Variants in LATS2 observed in about 807,000 individuals in gnomAD.
LATS2 encodes the protein large tumor suppressor kinase 2.
LATS2 carries 24 observed loss-of-function variants against 76.0 expected under a neutral mutation model. That is an observed-to-expected ratio of 0.32 (90% confidence interval 0.23 to 0.44). The LOEUF is 0.44. LATS2 is among the 20% of genes least tolerant of loss of function. The pLI is 1.00. For missense variants in LATS2, 1,286 were observed against 1,481.2 expected (o/e 0.87, Z 2.16); for synonymous variants, 692 against 635.4 (o/e 1.09, Z -1.34).
At chr13:21,019,493 A>ATTT (rs67762203) in intron 2 of LATS2, among the ~76,000 whole-genome samples, 18,815 of 132,438 alleles carry the variant, frequency 0.14, 2,248 homozygotes, top group East Asian at 0.5. Context: ...CGCCCAGCTA[A>ATTT]TTTTTTTTTT....
In LATS2 at chr13:21,050,147, G is replaced by GATAGATACATACATACATACATACATAC. The variant is rs71200328; in HGVS notation, c.-204-3918_-204-3917insGTATGTATGTATGTATGTATGTATCTAT. Among the ~76,000 whole-genome samples the GATAGATACATACATACATACATACATAC allele has an allele frequency of 2.7e-3, 143 of 53,836 alleles. 5 individuals are homozygous for GATAGATACATACATACATACATACATAC. Among genetic ancestry groups the GATAGATACATACATACATACATACATAC allele is most frequent in the Middle Eastern group, 0.017 (2 of 120 alleles). 35.3% of individuals were successfully genotyped at this position (53,836 alleles called of 152,430 possible). On this transcript the variant is annotated intron_variant, in intron 1 of 7. Coordinates refer to ENST00000382592, the MANE Select transcript of LATS2 (RefSeq NM_014572.3). ...AGACAGATAGATAGATAGATAGATAGATACATACATACATACATACATACA... is the reference window on the plus strand; with the variant it reads ...AGACAGATAGATAGATAGATAGATAGATAGATACATACATACATACATACATACATACATACATACATACATACATACA...
intron 2 of LATS2, among the ~76,000 whole-genome samples, chr13:21,010,787 G>A (rs1871562919): frequency 1.3e-5 from 2 of 152,150 alleles, no homozygotes; most frequent in South Asian, 4.1e-4. Flanking sequence ...GCCTGTTCCT[G>A]TTTACCCTGC....
intron 2 of LATS2, among the ~76,000 whole-genome samples, chr13:21,002,710 AG>A (rs1871104818): frequency 6.6e-6 from 1 of 151,730 alleles, no homozygotes; most frequent in Admixed American, 6.6e-5. Context: ...TTTATTTTTT[AG>A]AGACAGGGTC....
At chr13:21,000,005 A>T (rs1870972108) in intron 2 of LATS2, among the ~76,000 whole-genome samples, 1 of 152,120 alleles carries the variant, frequency 6.6e-6, no homozygotes, top group South Asian at 2.1e-4. Context: ...GCAAGTCTCC[A>T]TCAAAAACAA....
chr13:21,011,982 T>C (rs896499101), intron 2 of LATS2, among the ~76,000 whole-genome samples: 7 of 152,200 alleles, frequency 4.6e-5, no homozygotes, highest in Admixed American at 2.6e-4. Flanking sequence ...AATTTTACCA[T>C]ACAGAGGGAG....
Position 20,979,658 on chromosome 13 carries a change from C to A in LATS2, c.2772+33G>T, listed in dbSNP as rs780631250. On this transcript the variant is annotated intron_variant, in intron 7 of 7. Coordinates refer to ENST00000382592, the MANE Select transcript of LATS2 (RefSeq NM_014572.3). ...GGTACATGAGCAAATCAGATGTCTACAGCAAGCAGATGCGTGGTTCCTCTC... is the reference window on the plus strand; with the variant it reads ...GGTACATGAGCAAATCAGATGTCTAAAGCAAGCAGATGCGTGGTTCCTCTC... 6 of 1,210,898 alleles carry A rather than the reference C, an allele frequency of 5.0e-6. No homozygotes were observed. In the Admixed American group the frequency reaches 1.0e-4, roughly 21 times the overall value. The allele number at this position is 1,210,898 out of a possible 1,614,324, so 75.0% of individuals were successfully genotyped here. A position where few individuals can be genotyped will look rare whatever the true frequency, so the allele number is the denominator to read the frequency against.
At chr13:21,029,894 C>G (rs1205962604) in intron 2 of LATS2, among the ~76,000 whole-genome samples, 2 of 151,102 alleles carry the variant, frequency 1.3e-5, no homozygotes, top group African/African-American at 2.4e-5. Flanking sequence ...CAGGAGATGG[C>G]AGGCAGGTCA....
intron 4 of LATS2, among the ~76,000 whole-genome samples, chr13:20,984,787 A>AAT (rs1409406675): frequency 6.6e-6 from 1 of 152,220 alleles, no homozygotes; most frequent in Non-Finnish European, 1.5e-5. Context: ...TCCCTATCAA[A>AAT]ATACCAATGA....
chr13:21,027,112 G>A (rs1872338370), intron 2 of LATS2, among the ~76,000 whole-genome samples: 1 of 152,086 alleles, frequency 6.6e-6, no homozygotes, highest in South Asian at 2.1e-4. Flanking sequence ...TTCCAAATGT[G>A]AGTCCATTGT....
chr13:20,984,514 G>A (rs1425806121), intron 4 of LATS2, among the ~76,000 whole-genome samples: 1 of 152,134 alleles, frequency 6.6e-6, no homozygotes, highest in Non-Finnish European at 1.5e-5. Flanking sequence ...GTGAGAGATA[G>A]GGTCTAGTTT....
At chr13:21,018,447 A>T (rs1436935816) in intron 2 of LATS2, among the ~76,000 whole-genome samples, 1 of 152,242 alleles carries the variant, frequency 6.6e-6, no homozygotes, top group Non-Finnish European at 1.5e-5. Context: ...TGCATGAGGC[A>T]GCTAGAGTTC....
chr13:21,046,080 A>AT lies in LATS2; in HGVS notation c.-55dup, dbSNP rs1228104155. ...TACAATCTTCTTAAAGTGTTTTATT[A>AT]TTTAAAAAAAAAAACTGTCAATAGT... On this transcript the variant is annotated 5_prime_UTR_variant, in exon 2 of 8. Coordinates refer to ENST00000382592, the MANE Select transcript of LATS2 (RefSeq NM_014572.3). The AT allele has an allele frequency of 5.5e-5, 67 of 1,223,010 alleles. No homozygotes were observed. The East Asian group carries it at 1.5e-3, about 28-fold the overall frequency. The allele number at this position is 1,223,010 out of a possible 1,614,324, so 75.8% of individuals were successfully genotyped here. A position where few individuals can be genotyped will look rare whatever the true frequency, so the allele number is the denominator to read the frequency against.
rs1338259193 is a variant in LATS2, at chr13:20,991,781, G to A, written c.343-377C>T. Among the ~76,000 whole-genome samples, 2 of 152,238 alleles carry A rather than the reference G, an allele frequency of 1.3e-5. No homozygotes were observed. The highest frequency in any genetic ancestry group is 2.9e-5 in the Non-Finnish European group (2 of 68,044). On this transcript the variant is annotated intron_variant, in intron 2 of 7. Transcript: ENST00000382592. This position sits in a 1 kb window ranked among gnomAD's most constrained non-coding sequence, Gnocchi z 4.9. ...AAGGGGAAGAACTGTGGGAGTCAGG[G>A]AACCTGGCTTTAACCTCAGCTCACC...
chr13:20,989,165 C>G lies in LATS2; in HGVS notation c.615G>C (p.Glu205Asp). The G allele has an allele frequency of 6.2e-7, 1 of 1,613,002 alleles. No homozygotes were observed. Among genetic ancestry groups the G allele is most frequent in the Middle Eastern group, 1.7e-4 (1 of 6,060 alleles). Reference sequence around the variant, plus strand: ...AGTCCACGTACGGCCGCGGCATCTCCTCCAGCGCCGTGGGGCCGTCAGCGC... The same window carrying G: ...AGTCCACGTACGGCCGCGGCATCTCGTCCAGCGCCGTGGGGCCGTCAGCGC... Reference protein sequence around the residue: ...SFGADGPTALEEMPRPYVDYL... With the variant: ...SFGADGPTALDEMPRPYVDYL... The change falls in exon 4 of 8, where the codon GAG (glutamate) becomes GAC (aspartate). Residue 205 changes from glutamate to aspartate, a missense_variant. Glu to Asp is a conservative substitution (Grantham distance 45). Transcript: ENST00000382592.
intron 2 of LATS2, among the ~76,000 whole-genome samples, chr13:21,010,745 T>C (rs1328021850): frequency 6.6e-6 from 1 of 152,214 alleles, no homozygotes; most frequent in Non-Finnish European, 1.5e-5. Context: ...GGAAAACCCA[T>C]ACCTCTGCTT....
intron 5 of LATS2, among the ~76,000 whole-genome samples, chr13:20,982,428 C>T (rs1869934003): frequency 6.6e-6 from 1 of 152,226 alleles, no homozygotes; most frequent in Admixed American, 6.5e-5. Flanking sequence ...TCTCATGCCT[C>T]AGCCTCCCAG....
Position 20,975,128 on chromosome 13 carries a change from G to A in LATS2, c.3009C>T (p.Asp1003=), listed in dbSNP as rs779228067. 1.9e-6 allele frequency: 3 copies of A among 1,614,196 alleles called. No individual in the cohort carries two copies. In the Admixed American group the frequency reaches 5.0e-5, roughly 27 times the overall value. ...ISHPMDTSNF[D]PVDEESPWND... ...TCCAAGGGCTTTCTTCATCTACGGG[G>A]TCGAAATTCGAGGTGTCCATGGGGT... Residue 1003 remains aspartate, a synonymous_variant, in exon 8 of 8, where the codon GAC becomes GAT. Coordinates refer to ENST00000382592, the MANE Select transcript of LATS2 (RefSeq NM_014572.3).
intron 2 of LATS2, among the ~76,000 whole-genome samples, chr13:21,039,857 T>C (rs1872805906): frequency 6.6e-6 from 1 of 152,150 alleles, no homozygotes; most frequent in African/African-American, 2.4e-5. Context: ...GTGGATCCCC[T>C]GAGGTCAGGA....
At position 20,988,236 on chromosome 13, in the gene LATS2, G is replaced by C. The variant is rs747960003; in HGVS notation, c.1544C>G (p.Pro515Arg). 6.9e-6 allele frequency: 11 copies of C among 1,605,300 alleles called. No homozygotes were observed. Among genetic ancestry groups the C allele is most frequent in the East Asian group, 2.2e-5 (1 of 44,852 alleles). Residue 515 changes from proline to arginine, a missense_variant, in exon 4 of 8, where the codon CCT (proline) becomes CGT (arginine). Around this residue, in one of 5 missense-constraint regions of LATS2, gnomAD observed 710 missense variants for 660.9 expected, o/e 1.07. Transcript: ENST00000382592. ...CAGCAGGTGCTTCGGGTAGGGCGGA[G>C]GCGGGCACCTCCGGTCTGGGCCTCC... ...EYGGPDRRCP[P>R]PPYPKHLLLR... is the part of the protein sequence containing the mutation.
Sources: allele counts gnomAD v4.1 joint callset (sites outside exome capture counted in the v4.1 genomes callset), GRCh38; gene constraint gnomAD v4.1.1; regional missense constraint gnomAD v4.1.1; non-coding constraint Gnocchi (gnomAD v3.1); transcripts MANE v1.5; gene names NCBI Gene and HGNC (gene_info 2026-07-23, HGNC 2026-07-21).